The following CCDC172 variants were observed in gnomAD, a reference collection of about 807,000 sequenced individuals.
CCDC172 encodes coiled-coil domain-containing protein 172.
A neutral mutation model predicts 38.0 loss-of-function variants in CCDC172; 30 were observed. That is an observed-to-expected ratio of 0.79 (90% CI 0.59 to 1.07). The LOEUF is 1.07. Ranked by LOEUF, CCDC172 falls within the 50% of genes least tolerant of loss-of-function variation. The pLI, the probability that CCDC172 is intolerant of heterozygous loss-of-function variation, is 0.00. For missense variants in CCDC172, 297 were observed against 290.1 expected (o/e 1.02, Z -0.17); for synonymous variants, 78 against 88.3 (o/e 0.88, Z 0.66).
chr10:116,376,480 A>G (rs879576193), intron 7 of CCDC172, among the ~76,000 whole-genome samples: 4 of 152,234 alleles, frequency 2.6e-5, no homozygotes, highest in Non-Finnish European at 4.4e-5. Context: ...CTTTTCAGAA[A>G]AAAATGTTAG....
intron 7 of CCDC172, among the ~76,000 whole-genome samples, chr10:116,359,019 G>T (rs1317290884): frequency 2.0e-5 from 3 of 152,172 alleles, no homozygotes; most frequent in African/African-American, 7.2e-5. Flanking sequence ...TGGATAGAAA[G>T]AAATACCAGT....
rs75868628 is a variant in CCDC172, at chr10:116,330,696, A to G, written c.165+5308A>G. On this transcript the variant is annotated intron_variant, in intron 3 of 8. Transcript: ENST00000333254. Reference sequence around the variant, plus strand: ...TACAAAAGATTGAGTAGAAGCAGATATGAGAGTCCAGCTATCTTCTTTTTT... The same window carrying G: ...TACAAAAGATTGAGTAGAAGCAGATGTGAGAGTCCAGCTATCTTCTTTTTT... 7.7e-3 allele frequency among the ~76,000 whole-genome samples: 1,171 copies of G among 152,266 alleles called. 19 individuals carry two copies. The highest frequency in any genetic ancestry group is 0.027 in the African/African-American group (1,105 of 41,566).
chr10:116,368,028 G>A (rs996805608), intron 7 of CCDC172, among the ~76,000 whole-genome samples: 3 of 152,062 alleles, frequency 2.0e-5, no homozygotes, highest in African/African-American at 7.2e-5. Context: ...TTATATGCAA[G>A]TTAATTTTTT....
intron 7 of CCDC172, among the ~76,000 whole-genome samples, chr10:116,374,060 C>A (rs763931557): frequency 6.6e-5 from 10 of 152,134 alleles, no homozygotes; most frequent in Non-Finnish European, 1.3e-4. Flanking sequence ...CTCCATTCTT[C>A]CCTGGACATA....
chr10:116,358,258 A>G (rs1239811907), intron 7 of CCDC172, among the ~76,000 whole-genome samples: 1 of 152,100 alleles, frequency 6.6e-6, no homozygotes, highest in Non-Finnish European at 1.5e-5. Context: ...GCGGGAAATG[A>G]TTGAAATTAC....
At chr10:116,352,472 T>C (rs1844942824) in intron 5 of CCDC172, among the ~76,000 whole-genome samples, 1 of 152,146 alleles carries the variant, frequency 6.6e-6, no homozygotes, top group African/African-American at 2.4e-5. Context: ...TAGAATATTC[T>C]AAGTATACTC....
intron 7 of CCDC172, among the ~76,000 whole-genome samples, chr10:116,363,879 C>T (rs1231898331): frequency 2.0e-5 from 3 of 149,974 alleles, no homozygotes; most frequent in South Asian, 2.1e-4. Context: ...TGCAATGAGC[C>T]GAGATCACAT....
chr10:116,357,519 T>C, intron 6 of CCDC172, 38 bp downstream of exon 6: 1 of 1,404,092 alleles, frequency 7.1e-7, no homozygotes, highest in Non-Finnish European at 9.6e-7. Flanking sequence ...TGCTGATAAA[T>C]ATAGTTATAT....
intron 4 of CCDC172, among the ~76,000 whole-genome samples, chr10:116,341,138 C>T (rs576788651): frequency 4.6e-5 from 7 of 152,036 alleles, no homozygotes; most frequent in African/African-American, 1.7e-4. Flanking sequence ...TGGATAAAAT[C>T]GTTTTGAAAG....
chr10:116,346,381 C>G (rs1279168563), intron 5 of CCDC172, among the ~76,000 whole-genome samples: 2 of 150,714 alleles, frequency 1.3e-5, no homozygotes, highest in Non-Finnish European at 2.9e-5. Flanking sequence ...ATGACTAATT[C>G]TACTGATGCA....
intron 3 of CCDC172, among the ~76,000 whole-genome samples, chr10:116,334,595 T>G (rs1446907938): frequency 1.3e-5 from 2 of 152,022 alleles, no homozygotes; most frequent in Non-Finnish European, 2.9e-5. Context: ...TTAAATGTAA[T>G]ACTATATTTT....
chr10:116,375,285 G>T (rs531054270), intron 7 of CCDC172, among the ~76,000 whole-genome samples: 14 of 152,044 alleles, frequency 9.2e-5, no homozygotes, highest in Admixed American at 5.9e-4. Context: ...TTCCTTTAGA[G>T]AATATTTTCT....
chr10:116,375,297 TTTA>T lies in CCDC172; in HGVS notation c.654-3112_654-3110del, dbSNP rs536243056. Among the ~76,000 whole-genome samples the T allele has an allele frequency of 4.2e-3, 646 of 152,018 alleles. 5 individuals are homozygous for T. Among genetic ancestry groups the T allele is most frequent in the African/African-American group, 0.015 (622 of 41,512 alleles). On this transcript the variant is annotated intron_variant, in intron 7 of 8. Transcript: ENST00000333254. ...GGTTTCCTTTAGAGAATATTTTCTTTTTATTATTATTATTATACTTTAAGTTCT... is the reference window on the plus strand; with the variant it reads ...GGTTTCCTTTAGAGAATATTTTCTTTTTATTATTATTATACTTTAAGTTCT...
intron 5 of CCDC172, among the ~76,000 whole-genome samples, chr10:116,353,362 C>T (rs893639130): frequency 2.6e-5 from 4 of 152,044 alleles, no homozygotes; most frequent in African/African-American, 9.7e-5. Context: ...TAGATATGCA[C>T]AAGCAATAAA....
intron 7 of CCDC172, among the ~76,000 whole-genome samples, chr10:116,368,544 G>A (rs1243029085): frequency 2.6e-5 from 4 of 151,706 alleles, no homozygotes; most frequent in Non-Finnish European, 5.9e-5. Flanking sequence ...TCCCAAATTT[G>A]GCCAGAGGCA....
chr10:116,378,422 G>T lies in CCDC172; in HGVS notation c.654-1G>T, dbSNP rs1249750354. ...ACAGGTGAAATTTTCTTTTAAAATA[G>T]ACTTAAAAAAGAATTAGAACTTTAT... On this transcript the variant is annotated splice_acceptor_variant, in intron 7 of 8. Transcript: ENST00000333254. LOFTEE classifies it high-confidence loss of function. 4.4e-6 allele frequency: 7 copies of T among 1,584,656 alleles called. No homozygotes were observed. The highest frequency in any genetic ancestry group is 3.5e-5 in the South Asian group (3 of 85,438).
At chr10:116,367,818 C>T (rs1159243259) in intron 7 of CCDC172, among the ~76,000 whole-genome samples, 1 of 151,926 alleles carries the variant, frequency 6.6e-6, no homozygotes, top group Non-Finnish European at 1.5e-5. Flanking sequence ...CTGTCTCTTT[C>T]TTGTCTTCTT....
intron 4 of CCDC172, among the ~76,000 whole-genome samples, chr10:116,341,427 T>G (rs1844793774): frequency 6.6e-6 from 1 of 152,040 alleles, no homozygotes; most frequent in Non-Finnish European, 1.5e-5. Flanking sequence ...TAGAAAAATA[T>G]GGTAATGTTT....
At chr10:116,326,448 C>G (rs566201160) in intron 3 of CCDC172, among the ~76,000 whole-genome samples, 2 of 152,238 alleles carry the variant, frequency 1.3e-5, no homozygotes, top group East Asian at 3.9e-4. Context: ...GGAAGTCTGT[C>G]TGCTTCAAAT....
Sources: allele counts gnomAD v4.1 joint callset (sites outside exome capture counted in the v4.1 genomes callset), GRCh38; gene constraint gnomAD v4.1.1; transcripts MANE v1.5; gene names NCBI Gene and HGNC (gene_info 2026-07-23, HGNC 2026-07-21).